TOP3B: variants seen among roughly 807,000 people sequenced by gnomAD.
TOP3B encodes DNA topoisomerase 3-beta-1.
TOP3B carries 45 observed loss-of-function variants against 93.9 expected under a neutral mutation model. The observed-to-expected ratio is 0.48, with a 90% CI of 0.38 to 0.61. The LOEUF is 0.61. Among genes scored for constraint, TOP3B ranks in the 20% least tolerant of loss-of-function variants. TOP3B has a pLI of 0.00. For missense variants in TOP3B, 750 were observed against 1,156.1 expected (o/e 0.65, Z 5.09); for synonymous variants, 357 against 472.6 (o/e 0.76, Z 3.17).
In TOP3B at chr22:21,970,650, A is replaced by G; in HGVS notation, c.385-244T>C. On this transcript the variant is annotated intron_variant, in intron 5 of 17. Transcript: ENST00000357179. The surrounding 1 kb of genome is among the most constrained non-coding windows in gnomAD (Gnocchi z 4.4). ...CACATGGCTTCCTTTACTCCCATCT[A>G]GAAACATACTCGAACACTCCCTTCT... 3.6e-6 allele frequency: 2 copies of G among 555,982 alleles called. No individual in the cohort carries two copies. Among genetic ancestry groups the G allele is most frequent in the South Asian group, 4.3e-5 (2 of 46,456 alleles). The allele number at this position is 555,982 out of a possible 1,614,324, so 34.4% of individuals were successfully genotyped here. A position where few individuals can be genotyped will look rare whatever the true frequency, so the allele number is the denominator to read the frequency against.
chr22:21,973,740 T>C (rs2071742989), intron 3 of TOP3B: 1 of 152,258 alleles, frequency 6.6e-6, no homozygotes, highest in South Asian at 2.1e-4. Context: ...GCTGAGTGCT[T>C]TGCCCTCACT....
In TOP3B at chr22:21,971,664, C is replaced by A; in HGVS notation, c.384+213G>T. The A allele has an allele frequency of 1.6e-6, 1 of 609,946 alleles. No homozygotes were observed. The highest frequency in any genetic ancestry group is 3.0e-5 in the East Asian group (1 of 33,620). The allele number at this position is 609,946 out of a possible 1,614,324, so 37.8% of individuals were successfully genotyped here. A position where few individuals can be genotyped will look rare whatever the true frequency, so the allele number is the denominator to read the frequency against. On this transcript the variant is annotated intron_variant, in intron 5 of 17. Transcript: ENST00000357179. The surrounding 1 kb of genome is among the most constrained non-coding windows in gnomAD (Gnocchi z 4.6). ...TTCACTCATACCGTTGAGGCCTCAG[C>A]AAGCGGAGGAACAACTGACCACCTT...
chr22:21,969,947 TTTTG>T (rs79837580), intron 6 of TOP3B: 2 of 275,668 alleles, frequency 7.3e-6, no homozygotes, highest in Non-Finnish European at 1.4e-5. Flanking sequence ...TTTTTTTTTT[TTTTG>T]TAGAGATGGG....
At chr22:21,978,977 C>T (rs533609075) in intron 1 of TOP3B, among the ~76,000 whole-genome samples, 15 of 152,124 alleles carry the variant, frequency 9.9e-5, no homozygotes, top group African/African-American at 3.1e-4. Flanking sequence ...GCAAGAGAGG[C>T]AGCCGGTCAG....
chr22:21,975,768 C>A lies in TOP3B; in HGVS notation c.-59G>T. 3 of 1,572,818 alleles carry A rather than the reference C, an allele frequency of 1.9e-6. No homozygotes were observed. Among genetic ancestry groups the A allele is most frequent in the Non-Finnish European group, 2.6e-6 (3 of 1,155,288 alleles). On this transcript the variant is annotated 5_prime_UTR_variant, in exon 2 of 18. Coordinates refer to ENST00000357179, the MANE Select transcript of TOP3B (RefSeq NM_001282112.2). ...CACTGGCAATGAAAAAGTTTAGACT[C>A]CACTCTTCCGCAGCACAGCACTATT... is the stretch of plus-strand genomic sequence containing the variant.
At chr22:21,967,544 C>A in intron 8 of TOP3B, 59 bp downstream of exon 8, 2 of 1,343,710 alleles carry the variant, frequency 1.5e-6, no homozygotes, top group South Asian at 2.3e-5. Flanking sequence ...CAGCGGGAGG[C>A]ATCCAAGGGC....
At chr22:21,960,044 C>A (rs2071099111) in intron 14 of TOP3B, 1 of 619,364 alleles carries the variant, frequency 1.6e-6, no homozygotes, top group South Asian at 2.0e-5. Context: ...CTCCCCTTGG[C>A]CCCTGGGGAA....
chr22:21,980,722 C>T (rs142764769), intron 1 of TOP3B, among the ~76,000 whole-genome samples: 274 of 152,354 alleles, frequency 1.8e-3, no homozygotes, highest in African/African-American at 5.9e-3. Flanking sequence ...ACCCACCTTT[C>T]CTCCCTGTGC....
intron 9 of TOP3B, 116 bp from the exon 10 acceptor site, chr22:21,964,431 T>C: frequency 7.8e-7 from 1 of 1,282,880 alleles, no homozygotes; most frequent in East Asian, 2.4e-5. Context: ...AGGGTGACGG[T>C]GGCTCTGAGC....
rs763383197 is a variant in TOP3B, at chr22:21,962,326, G to C, written c.1525+103C>G. On this transcript the variant is annotated intron_variant, in intron 13 of 17. Transcript: ENST00000357179. Reference sequence around the variant, plus strand: ...TCCAGATACCAGCCCATGGAGGGGTGCTGGGCTGGGCACACAGGGCTGGCG... The same window carrying C: ...TCCAGATACCAGCCCATGGAGGGGTCCTGGGCTGGGCACACAGGGCTGGCG... 5 of 1,600,446 alleles carry C rather than the reference G, an allele frequency of 3.1e-6. No individual in the cohort carries two copies. The Admixed American group carries it at 8.3e-5, about 27-fold the overall frequency.
intron 8 of TOP3B, chr22:21,967,303 G>A (rs192477813): frequency 6.9e-5 from 23 of 333,914 alleles, no homozygotes; most frequent in Admixed American, 2.2e-4. Flanking sequence ...CCTGCCACAC[G>A]GAGGTAATGC....
chr22:21,974,247 A>G, intron 3 of TOP3B, 110 bp downstream of exon 3: 1 of 1,379,114 alleles, frequency 7.3e-7, no homozygotes, highest in Non-Finnish European at 9.9e-7. Flanking sequence ...CTTATGACTC[A>G]TGGAGTTGGG....
chr22:21,978,401 A>G (rs2071970632), intron 1 of TOP3B, among the ~76,000 whole-genome samples: 1 of 152,164 alleles, frequency 6.6e-6, no homozygotes, highest in South Asian at 2.1e-4. Flanking sequence ...TAACACAATG[A>G]GACCTCATCT....
In TOP3B at chr22:21,960,335, C is replaced by T. The variant is rs1415830174; in HGVS notation, c.1640G>A (p.Gly547Asp). The change falls in exon 14 of 18, where the codon GGC becomes GAC. Residue 547 changes from glycine (G) to aspartate (D), a missense_variant. Physicochemically the swap from Gly to Asp is moderately conservative, Grantham distance 94. This residue lies in a region of TOP3B where 737 missense variants were observed against 933.7 expected (regional missense o/e 0.79). Coordinates refer to ENST00000357179, the MANE Select transcript of TOP3B (RefSeq NM_001282112.2). ...GAGGAACTCACCAATCTTATAGTAG[C>T]CGTGCACCAGGACGATGCCGAGGTT... The part of the protein sequence containing the change: ...PTNLGIVLVH[G>D]YYKIDAELVL... 1 of 1,613,516 alleles carries T rather than the reference C, an allele frequency of 6.2e-7. No individual in the cohort carries two copies. Among genetic ancestry groups the T allele is most frequent in the East Asian group, 2.2e-5 (1 of 44,870 alleles).
Position 21,971,932 on chromosome 22 carries a change from T to A in TOP3B, c.329A>T (p.Asp110Val), listed in dbSNP as rs1401770351. The A allele has an allele frequency of 6.2e-7, 1 of 1,613,410 alleles. No individual in the cohort carries two copies. Among genetic ancestry groups the A allele is most frequent in the South Asian group, 1.1e-5 (1 of 90,976 alleles). Residue 110 changes from aspartate to valine, a missense_variant, in exon 5 of 18, where the codon GAC (aspartate) becomes GTC (valine). Asp to Val is a radical substitution (Grantham distance 152, BLOSUM62 -3). Transcript: ENST00000357179. The surrounding 1 kb of genome is among the most constrained non-coding windows in gnomAD (Gnocchi z 4.6). ...KFLQVEGRGC[D>V]YIVLWLDCDK... ...GCAGTCCAGCCACAGCACGATGTAG[T>A]CGCAGCCTCTGCCCTCCACCTGCCA...
intron 13 of TOP3B, chr22:21,960,721 G>A (rs773113421): frequency 3.0e-5 from 14 of 470,918 alleles, no homozygotes; most frequent in African/African-American, 8.0e-5. Context: ...CGGAGGTTAA[G>A]GAACTCTCCA....
chr22:21,981,313 G>A (rs976931098), intron 1 of TOP3B, among the ~76,000 whole-genome samples: 6 of 152,184 alleles, frequency 3.9e-5, no homozygotes, highest in African/African-American at 1.4e-4. Flanking sequence ...GAGCTCCAGT[G>A]GCTGGACTTG....
chr22:21,978,763 G>C (rs1353398582), intron 1 of TOP3B, among the ~76,000 whole-genome samples: 1 of 152,204 alleles, frequency 6.6e-6, no homozygotes, highest in Non-Finnish European at 1.5e-5. Flanking sequence ...GCCATGTGGT[G>C]AGTGACAGAT....
At position 21,970,410 on chromosome 22, in the gene TOP3B, G is replaced by A; in HGVS notation, c.385-4C>T. ...CGGGCAGAACAGCATCAAGAACCTG[G>A]GGGTGGGGAGTGGCCAGCTGTGACC... On this transcript the variant is annotated splice_polypyrimidine_tract_variant and splice_region_variant and intron_variant, in intron 5 of 17. Transcript: ENST00000357179. The surrounding 1 kb of genome is among the most constrained non-coding windows in gnomAD (Gnocchi z 4.4). The A allele has an allele frequency of 1.2e-6, 2 of 1,613,190 alleles. No homozygotes were observed. The highest frequency in any genetic ancestry group is 8.5e-7 in the Non-Finnish European group (1 of 1,179,676).
Sources: gnomAD v4.1 joint callset for allele counts (sites outside exome capture counted in the v4.1 genomes callset) on GRCh38, gnomAD v4.1.1 for gene constraint, gnomAD v4.1.1 regional missense constraint, Gnocchi (gnomAD v3.1) non-coding constraint, MANE v1.5 for transcripts, NCBI Gene and HGNC (gene_info 2026-07-23, HGNC 2026-07-21) for gene names.